The following FAF1 variants were observed in gnomAD, a reference collection of about 807,000 sequenced individuals.
FAF1 encodes Fas associated factor 1.
In FAF1, 25 loss-of-function variants were observed where a neutral mutation model predicts 92.5. The ratio of observed to expected loss-of-function variants is 0.27; its 90% confidence interval spans 0.20 to 0.38. The LOEUF (loss-of-function observed/expected upper bound fraction) is 0.38, where lower values mean the gene tolerates loss of function less well. Ranked by LOEUF, FAF1 falls within the 10% of genes least tolerant of loss-of-function variation. The probability of loss-of-function intolerance (pLI) is 1.00; values close to 1 mark genes in which losing one functional copy is unlikely to be tolerated. For missense variants in FAF1, 636 were observed against 793.3 expected (o/e 0.80, Z 2.38); for synonymous variants, 234 against 273.2 (o/e 0.86, Z 1.42).
At chr1:50,915,197 C>A (rs1177277396) in intron 1 of FAF1, among the ~76,000 whole-genome samples, 1 of 152,032 alleles carries the variant, frequency 6.6e-6, no homozygotes, top group Non-Finnish European at 1.5e-5. Flanking sequence ...ATGGAGAAAT[C>A]CTGTCTCTAC....
intron 18 of FAF1, among the ~76,000 whole-genome samples, chr1:50,447,330 T>C (rs1646240906): frequency 6.6e-6 from 1 of 152,060 alleles, no homozygotes; most frequent in Non-Finnish European, 1.5e-5. Context: ...TTTCACCGTG[T>C]TAGCCAGGAT....
chr1:50,495,434 A>G (rs529963619), intron 15 of FAF1, among the ~76,000 whole-genome samples: 1 of 152,334 alleles, frequency 6.6e-6, no homozygotes, highest in Admixed American at 6.5e-5. Context: ...GTTGCAAATC[A>G]CAGGATCTAA....
chr1:50,865,163 G>A (rs1158469593), intron 1 of FAF1, among the ~76,000 whole-genome samples: 9 of 152,242 alleles, frequency 5.9e-5, no homozygotes, highest in East Asian at 1.9e-4. Context: ...AGTTAGAATG[G>A]CGATCATTAA....
intron 13 of FAF1, among the ~76,000 whole-genome samples, chr1:50,547,231 G>A (rs368159868): frequency 5.9e-5 from 9 of 151,752 alleles, no homozygotes; most frequent in South Asian, 2.1e-4. Context: ...AATGCCTCAC[G>A]ATGCAAATGC....
At chr1:50,734,721 G>A (rs1428039639) in intron 6 of FAF1, among the ~76,000 whole-genome samples, 1 of 146,772 alleles carries the variant, frequency 6.8e-6, no homozygotes. Context: ...GCGATAGAGC[G>A]AGACTCCATC....
intron 8 of FAF1, among the ~76,000 whole-genome samples, chr1:50,639,438 T>C (rs1304486920): frequency 6.6e-6 from 1 of 152,248 alleles, no homozygotes; most frequent in Non-Finnish European, 1.5e-5. Context: ...GTATGCTAAA[T>C]TTTATTAAAT....
intron 2 of FAF1, among the ~76,000 whole-genome samples, chr1:50,828,259 CTTTTT>C (rs61047986): frequency 2.9e-5 from 4 of 139,380 alleles, no homozygotes; most frequent in Non-Finnish European, 6.3e-5. Context: ...AGGGTCTTTT[CTTTTT>C]TTTTTTTTTT....
intron 1 of FAF1, among the ~76,000 whole-genome samples, chr1:50,902,709 C>A (rs1238866175): frequency 6.6e-6 from 1 of 152,176 alleles, no homozygotes; most frequent in Non-Finnish European, 1.5e-5. Context: ...AACTTATGCA[C>A]ATCCTCCAGT....
At chr1:50,806,466 G>A (rs773224181) in intron 2 of FAF1, among the ~76,000 whole-genome samples, 13 of 152,116 alleles carry the variant, frequency 8.5e-5, no homozygotes, top group South Asian at 2.1e-4. Flanking sequence ...GGAGGCAGCC[G>A]ACACCAGTGG....
intron 18 of FAF1, among the ~76,000 whole-genome samples, chr1:50,442,059 G>C (rs1222379952): frequency 6.6e-6 from 1 of 151,804 alleles, no homozygotes; most frequent in Non-Finnish European, 1.5e-5. Flanking sequence ...AACAGGCAAT[G>C]TCATAATACA....
intron 6 of FAF1, among the ~76,000 whole-genome samples, chr1:50,730,861 G>A (rs1021683197): frequency 3.3e-5 from 5 of 152,122 alleles, no homozygotes; most frequent in Admixed American, 6.5e-5. Context: ...CTCTCTCTCT[G>A]CCCAACTCTT....
chr1:50,838,859 A>C lies in FAF1; in HGVS notation c.114+19070T>G, dbSNP rs112615512. On this transcript the variant is annotated intron_variant, in intron 2 of 18. Coordinates refer to ENST00000396153, the MANE Select transcript of FAF1 (RefSeq NM_007051.3). ...AGTATCCAAATCAGATTCAAATTCA[A>C]CTCTGGCCAATCCATCAGATGGTGT... 2.8e-3 allele frequency among the ~76,000 whole-genome samples: 423 copies of C among 152,176 alleles called. 4 individuals carry two copies. The highest frequency in any genetic ancestry group is 9.7e-3 in the African/African-American group (402 of 41,546).
chr1:50,815,144 T>C (rs558596375), intron 2 of FAF1, among the ~76,000 whole-genome samples: 1 of 152,328 alleles, frequency 6.6e-6, no homozygotes, highest in Non-Finnish European at 1.5e-5. Flanking sequence ...TACATGGCTA[T>C]ATTGCATGAT....
chr1:50,881,645 T>C (rs116620532), intron 1 of FAF1, among the ~76,000 whole-genome samples: 1,981 of 152,254 alleles, frequency 0.013, 44 homozygotes, highest in African/African-American at 0.044. Context: ...GGGAAGACCC[T>C]TGGCAACACC....
intron 7 of FAF1, among the ~76,000 whole-genome samples, chr1:50,674,311 ACT>A (rs1656026668): frequency 1.3e-5 from 2 of 151,232 alleles, no homozygotes; most frequent in South Asian, 4.2e-4. Flanking sequence ...AAACTGGAAA[ACT>A]CTGTTCTTTT....
At chr1:50,466,743 T>G (rs1303940606) in intron 18 of FAF1, among the ~76,000 whole-genome samples, 1 of 152,194 alleles carries the variant, frequency 6.6e-6, no homozygotes, top group Non-Finnish European at 1.5e-5. Flanking sequence ...TCGCCTGGTA[T>G]TCCAGTTTTA....
chr1:50,483,671 G>T (rs2149003786), intron 17 of FAF1, among the ~76,000 whole-genome samples: 1 of 152,228 alleles, frequency 6.6e-6, no homozygotes, highest in East Asian at 1.9e-4. Flanking sequence ...AATCAAGTTG[G>T]GAGGCTACTA....
At chr1:50,753,001 G>GT (rs1659929288) in intron 4 of FAF1, among the ~76,000 whole-genome samples, 2 of 152,120 alleles carry the variant, frequency 1.3e-5, no homozygotes, top group Non-Finnish European at 2.9e-5. Flanking sequence ...TCTTCAAAAG[G>GT]TCTTAACGGC....
intron 7 of FAF1, among the ~76,000 whole-genome samples, chr1:50,684,636 C>G (rs919499246): frequency 1.3e-5 from 2 of 152,116 alleles, no homozygotes; most frequent in African/African-American, 4.8e-5. Context: ...AAGCCAATTT[C>G]AAGGTACCAA....
Sources: gnomAD v4.1 joint callset for allele counts (sites outside exome capture counted in the v4.1 genomes callset) on GRCh38, gnomAD v4.1.1 for gene constraint, MANE v1.5 for transcripts, NCBI Gene and HGNC (gene_info 2026-07-23, HGNC 2026-07-21) for gene names.